The following FMN1 variants were observed in gnomAD, a reference collection of about 807,000 sequenced individuals.
The protein encoded by FMN1 is formin 1.
A neutral mutation model predicts 132.4 loss-of-function variants in FMN1; 110 were observed. The observed-to-expected ratio is 0.83, with a 90% CI of 0.71 to 0.97. The LOEUF is 0.97. Ranked by LOEUF, FMN1 falls within the 50% of genes least tolerant of loss-of-function variation. The probability of loss-of-function intolerance (pLI) is 0.00; values close to 1 mark genes in which losing one functional copy is unlikely to be tolerated. For missense variants in FMN1, 1,792 were observed against 1,705.3 expected (o/e 1.05, Z -0.90); for synonymous variants, 722 against 651.7 (o/e 1.11, Z -1.64).
chr15:32,993,413 AAAC>A (rs1300856547), intron 7 of FMN1, among the ~76,000 whole-genome samples: 1 of 152,168 alleles, frequency 6.6e-6, no homozygotes, highest in Non-Finnish European at 1.5e-5. Flanking sequence ...TTTTAAAACA[AAAC>A]AAACAGAACT....
At chr15:33,000,539 G>A (rs541054983) in intron 7 of FMN1, among the ~76,000 whole-genome samples, 116 of 152,094 alleles carry the variant, frequency 7.6e-4, no homozygotes, top group African/African-American at 2.7e-3. Flanking sequence ...CATTTGGAGA[G>A]AGAGGCTGAG....
chr15:32,809,009 T>C (rs1222510365), intron 17 of FMN1, among the ~76,000 whole-genome samples: 1 of 152,256 alleles, frequency 6.6e-6, no homozygotes, highest in East Asian at 1.9e-4. Context: ...GTCATTTTAT[T>C]TGCTGTTTCA....
At chr15:32,904,400 G>C (rs1366271925) in intron 12 of FMN1, among the ~76,000 whole-genome samples, 2 of 152,204 alleles carry the variant, frequency 1.3e-5, no homozygotes, top group African/African-American at 2.4e-5. Flanking sequence ...CGAATGAAGG[G>C]TTCTAAACAG....
intron 4 of FMN1, among the ~76,000 whole-genome samples, chr15:33,129,436 G>A (rs904615718): frequency 5.9e-5 from 9 of 152,282 alleles, no homozygotes; most frequent in Non-Finnish European, 7.3e-5. Context: ...GTATCTTTGA[G>A]AGCTTTCTCA....
chr15:33,157,989 C>T (rs1438239785), intron 3 of FMN1, among the ~76,000 whole-genome samples: 2 of 105,604 alleles, frequency 1.9e-5, no homozygotes, highest in South Asian at 3.6e-4. Context: ...AAGACCCTGT[C>T]TTTCAAAAAA....
Position 32,770,403 on chromosome 15 carries a change from AAAC to A in FMN1, c.*3904_*3906del, listed in dbSNP as rs1469776962. 2.8e-5 allele frequency: 2 copies of A among 71,440 alleles called. No homozygotes were observed. Among genetic ancestry groups the A allele is most frequent in the African/African-American group, 6.7e-5 (2 of 29,880 alleles). 4.4% of individuals were successfully genotyped at this position (71,440 alleles called of 1,614,324 possible). The stretch of plus-strand genomic sequence containing the variant: ...ATTAAAATGAAAATTTCTCTGTTGC[AAAC>A]ATCATAGAGAAAATGTGCAATCCCA... On this transcript the variant is annotated 3_prime_UTR_variant, in exon 21 of 21. Coordinates refer to ENST00000616417, the MANE Select transcript of FMN1 (RefSeq NM_001277313.2).
intron 16 of FMN1, among the ~76,000 whole-genome samples, chr15:32,877,289 GA>G (rs146024325): frequency 1.3e-3 from 174 of 136,184 alleles, no homozygotes; most frequent in Middle Eastern, 3.7e-3. Context: ...TCTGTCTCAG[GA>G]AAAAAAAAAA....
intron 4 of FMN1, chr15:33,150,882 A>G: frequency 1.0e-6 from 1 of 997,662 alleles, no homozygotes; most frequent in Non-Finnish European, 1.2e-6. Context: ...ATAAAGGGAC[A>G]CTGTAGTGTG....
At chr15:33,019,979 G>A (rs1003123930) in intron 6 of FMN1, among the ~76,000 whole-genome samples, 7 of 152,200 alleles carry the variant, frequency 4.6e-5, no homozygotes, top group African/African-American at 1.4e-4. Flanking sequence ...CGCCAAGGCC[G>A]AGGAGGCACC....
chr15:33,090,142 C>G (rs1048719246), intron 4 of FMN1, among the ~76,000 whole-genome samples: 13 of 152,176 alleles, frequency 8.5e-5, no homozygotes, highest in East Asian at 3.9e-4. Flanking sequence ...TTTTAAGCCA[C>G]TAGGCAGAAG....
chr15:33,161,607 T>C (rs1400848066), intron 3 of FMN1, among the ~76,000 whole-genome samples: 4 of 152,100 alleles, frequency 2.6e-5, no homozygotes, highest in African/African-American at 9.7e-5. Context: ...GTGCAGCTTT[T>C]TCAAAGAGTA....
rs114756635 is a variant in FMN1 at position 33,156,651 on chromosome 15, G to A, written c.-131-1606C>T. On this transcript the variant is annotated intron_variant, in intron 3 of 20. Transcript: ENST00000616417. ...CATTTTCTAAAGATGCACATGTGTA[G>A]GGATACTTAATAATTATTGGTAAAA... Among the ~76,000 whole-genome samples the A allele has an allele frequency of 6.1e-3, 924 of 152,128 alleles. 11 individuals are homozygous for A. The highest frequency in any genetic ancestry group is 0.021 in the African/African-American group (879 of 41,494).
chr15:32,940,394 TG>T (rs34241057), intron 9 of FMN1, among the ~76,000 whole-genome samples: 5 of 36,490 alleles, frequency 1.4e-4, no homozygotes, highest in East Asian at 1.3e-3. Flanking sequence ...ATAAAAATTG[TG>T]TGTGTGTGTG....
At chr15:32,925,607 A>G (rs999541395) in intron 10 of FMN1, among the ~76,000 whole-genome samples, 3 of 152,240 alleles carry the variant, frequency 2.0e-5, no homozygotes, top group African/African-American at 7.2e-5. Flanking sequence ...AATGCATGGA[A>G]TTTGTCTGGA....
intron 16 of FMN1, among the ~76,000 whole-genome samples, chr15:32,861,667 G>C (rs559904869): frequency 9.2e-5 from 14 of 152,320 alleles, no homozygotes; most frequent in African/African-American, 3.4e-4. Flanking sequence ...CAGCAAGAGA[G>C]TCATGGCTGG....
chr15:32,936,100 T>C (rs1567424720), intron 9 of FMN1, among the ~76,000 whole-genome samples: 1 of 152,210 alleles, frequency 6.6e-6, no homozygotes, highest in African/African-American at 2.4e-5. Context: ...CATAATATTT[T>C]CTATTTCTTT....
At chr15:32,983,177 A>T (rs1271590503) in intron 7 of FMN1, among the ~76,000 whole-genome samples, 1 of 152,196 alleles carries the variant, frequency 6.6e-6, no homozygotes, top group Non-Finnish European at 1.5e-5. Flanking sequence ...CCTACTCAGA[A>T]GTAAAAAGAA....
chr15:33,112,462 A>G (rs1309807144), intron 4 of FMN1, among the ~76,000 whole-genome samples: 1 of 152,206 alleles, frequency 6.6e-6, no homozygotes, highest in Non-Finnish European at 1.5e-5. Flanking sequence ...TCCATTAAAC[A>G]AGTACTAAGC....
intron 16 of FMN1, among the ~76,000 whole-genome samples, chr15:32,875,792 T>C (rs977409112): frequency 2.0e-5 from 3 of 152,222 alleles, no homozygotes; most frequent in African/African-American, 7.2e-5. Flanking sequence ...GCAGAAAAAG[T>C]ATTTTGATAT....
Sources: gnomAD v4.1 joint callset for allele counts (sites outside exome capture counted in the v4.1 genomes callset) on GRCh38, gnomAD v4.1.1 for gene constraint, MANE v1.5 for transcripts, NCBI Gene and HGNC (gene_info 2026-07-23, HGNC 2026-07-21) for gene names.